Variants in LEKR1 observed in about 807,000 individuals in gnomAD.
LEKR1 encodes the protein protein LEKR1.
In LEKR1, 59 loss-of-function variants were observed where a neutral mutation model predicts 72.4. That is an observed-to-expected ratio of 0.82 (90% CI 0.66 to 1.01). The LOEUF (loss-of-function observed/expected upper bound fraction) is 1.01, where lower values mean the gene tolerates loss of function less well. Among genes scored for constraint, LEKR1 ranks in the 50% least tolerant of loss-of-function variants. The pLI is 0.00. For missense variants in LEKR1, 728 were observed against 759.2 expected, an observed-to-expected ratio of 0.96 and a Z score of 0.48; for synonymous variants, 257 against 263.2, an observed-to-expected ratio of 0.98 and a Z score of 0.23.
intron 5 of LEKR1, among the ~76,000 whole-genome samples, chr3:156,937,624 T>C (rs1725833692): frequency 6.6e-6 from 1 of 152,206 alleles, no homozygotes; most frequent in Non-Finnish European, 1.5e-5. Flanking sequence ...CCTCTGAAAC[T>C]GAAGATGCAC....
intron 6 of LEKR1, among the ~76,000 whole-genome samples, chr3:156,978,700 A>G (rs1038609186): frequency 1.3e-5 from 2 of 152,082 alleles, no homozygotes; most frequent in African/African-American, 4.8e-5. Context: ...AAGTCACTAA[A>G]ATGCCTTTTA....
chr3:156,828,691 A>G (rs754497312), intron 1 of LEKR1, among the ~76,000 whole-genome samples: 3 of 152,226 alleles, frequency 2.0e-5, no homozygotes, highest in Non-Finnish European at 4.4e-5. Context: ...GAAAAAGAAA[A>G]TCTGTTAAAA....
intron 3 of LEKR1, among the ~76,000 whole-genome samples, chr3:156,866,086 C>G (rs1717280610): frequency 6.6e-6 from 1 of 152,060 alleles, no homozygotes; most frequent in African/African-American, 2.4e-5. Flanking sequence ...GTGTCTGGCA[C>G]ATAGTAATGC....
chr3:156,948,895 T>G (rs1360092373), intron 6 of LEKR1, among the ~76,000 whole-genome samples: 1 of 151,620 alleles, frequency 6.6e-6, no homozygotes, highest in Non-Finnish European at 1.5e-5. Context: ...TGGCACTTGA[T>G]TTGCATTTCT....
chr3:157,012,675 A>C (rs1454758698), intron 10 of LEKR1, among the ~76,000 whole-genome samples: 1 of 152,158 alleles, frequency 6.6e-6, no homozygotes, highest in Admixed American at 6.6e-5. Flanking sequence ...GAAATAATAA[A>C]AATGATCACT....
At position 156,924,487 on chromosome 3, in the gene LEKR1, T is replaced by G. The variant is rs773367363; in HGVS notation, c.384-2942T>G. 1.2e-5 allele frequency: 8 copies of G among 684,958 alleles called. No individual in the cohort carries two copies. The African/African-American group carries it at 1.4e-4, about 12-fold the overall frequency. The allele number at this position is 684,958 out of a possible 1,614,324, so 42.4% of individuals were successfully genotyped here. On this transcript the variant is annotated intron_variant, in intron 4 of 12. Coordinates refer to ENST00000356539, the MANE Select transcript of LEKR1 (RefSeq NM_001004316.3). ...TTTTTAATGAAATATAATTTATCTG[T>G]TTTATAGATTGTGCTTTTGCTGATG...
chr3:157,025,908 T>C lies in LEKR1; in HGVS notation c.1368+984T>C, dbSNP rs146546855. Among the ~76,000 whole-genome samples, 865 of 152,018 alleles carry C rather than the reference T, an allele frequency of 5.7e-3. 4 individuals carry two copies. The highest frequency in any genetic ancestry group is 0.02 in the African/African-American group (814 of 41,478). The stretch of plus-strand genomic sequence containing the variant: ...AGCCTAGTGTGACGGTTCATACCTG[T>C]AGTATGTTCATACCAGTGTATACCC... On this transcript the variant is annotated intron_variant, in intron 11 of 12. Coordinates refer to ENST00000356539, the MANE Select transcript of LEKR1 (RefSeq NM_001004316.3).
At chr3:156,891,676 A>G (rs1349577322) in intron 3 of LEKR1, among the ~76,000 whole-genome samples, 1 of 152,148 alleles carries the variant, frequency 6.6e-6, no homozygotes, top group Non-Finnish European at 1.5e-5. Flanking sequence ...AGTTATAACC[A>G]TCCTTTGGCT....
intron 3 of LEKR1, among the ~76,000 whole-genome samples, chr3:156,895,765 T>A (rs1203812140): frequency 1.3e-5 from 2 of 152,112 alleles, no homozygotes; most frequent in African/African-American, 4.8e-5. Flanking sequence ...GGGGTGGGAA[T>A]GTAAATTAGT....
intron 6 of LEKR1, among the ~76,000 whole-genome samples, chr3:156,950,688 G>T (rs1257400631): frequency 6.6e-6 from 1 of 151,364 alleles, no homozygotes; most frequent in East Asian, 1.9e-4. Flanking sequence ...TTGGTGTATA[G>T]GAATGCTAGT....
chr3:156,928,342 C>A (rs778951817), intron 5 of LEKR1, among the ~76,000 whole-genome samples: 1 of 152,030 alleles, frequency 6.6e-6, no homozygotes, highest in Non-Finnish European at 1.5e-5. Context: ...AAGTACTACT[C>A]TCCCACAGGG....
chr3:157,009,089 T>G (rs1732694226), intron 9 of LEKR1, among the ~76,000 whole-genome samples: 1 of 152,154 alleles, frequency 6.6e-6, no homozygotes, highest in Non-Finnish European at 1.5e-5. Flanking sequence ...TTACTGACAT[T>G]TCTTTGTTTT....
chr3:156,863,007 C>T (rs11927500), intron 3 of LEKR1, among the ~76,000 whole-genome samples: 46,151 of 151,932 alleles, frequency 0.3, 9,984 homozygotes, highest in African/African-American at 0.61. Flanking sequence ...TTGAATATGT[C>T]GACCTCAAGG....
chr3:156,885,338 T>C (rs1230941734), intron 3 of LEKR1, among the ~76,000 whole-genome samples: 1 of 152,218 alleles, frequency 6.6e-6, no homozygotes, highest in Admixed American at 6.5e-5. Flanking sequence ...GTGTGATCTT[T>C]TGGGGATGTT....
intron 6 of LEKR1, among the ~76,000 whole-genome samples, chr3:156,945,822 T>C (rs1576876347): frequency 6.6e-6 from 1 of 151,862 alleles, no homozygotes; most frequent in African/African-American, 2.4e-5. Context: ...TCTGTTTTTA[T>C]GTCAGCACCC....
At chr3:156,832,150 G>GCT (rs1712496889) in intron 2 of LEKR1, among the ~76,000 whole-genome samples, 1 of 152,170 alleles carries the variant, frequency 6.6e-6, no homozygotes, top group South Asian at 2.1e-4. Context: ...AAACATTGGT[G>GCT]CTCTTATCCA....
chr3:156,966,449 T>C (rs922630216), intron 6 of LEKR1, among the ~76,000 whole-genome samples: 17 of 152,184 alleles, frequency 1.1e-4, no homozygotes, highest in African/African-American at 3.1e-4. Context: ...GCTTTTCCAA[T>C]GATCTTAGCA....
At chr3:156,901,769 C>A (rs1722060907) in intron 3 of LEKR1, among the ~76,000 whole-genome samples, 1 of 152,192 alleles carries the variant, frequency 6.6e-6, no homozygotes, top group South Asian at 2.1e-4. Context: ...TCACTGCAAC[C>A]TCTGCCTCCT....
intron 6 of LEKR1, among the ~76,000 whole-genome samples, chr3:156,974,703 G>C (rs549227232): frequency 6.6e-6 from 1 of 151,888 alleles, no homozygotes; most frequent in Non-Finnish European, 1.5e-5. Context: ...ACCCGTGCCA[G>C]CAACGCCCCC....
Sources: gnomAD v4.1 joint callset for allele counts (sites outside exome capture counted in the v4.1 genomes callset) on GRCh38, gnomAD v4.1.1 for gene constraint, MANE v1.5 for transcripts, NCBI Gene and HGNC (gene_info 2026-07-23, HGNC 2026-07-21) for gene names.